GALNT13: variants seen among roughly 807,000 people sequenced by gnomAD.
The protein encoded by GALNT13 is polypeptide N-acetylgalactosaminyltransferase 13.
In GALNT13, 28 loss-of-function variants were observed where a neutral mutation model predicts 64.2. The ratio of observed to expected loss-of-function variants is 0.44; its 90% CI spans 0.32 to 0.60. The LOEUF (loss-of-function observed/expected upper bound fraction) is 0.60, where lower values mean the gene tolerates loss of function less well. Among genes scored for constraint, GALNT13 ranks in the 20% least tolerant of loss-of-function variants. The pLI is 0.05. For synonymous variants in GALNT13, 214 were observed against 224.6 expected (o/e 0.95, Z 0.42); for missense variants, 577 against 669.8 (o/e 0.86, Z 1.53).
chr2:153,362,409 C>A, the GALNT13 span, among the ~76,000 whole-genome samples: 3 of 151,906 alleles, frequency 2.0e-5, no homozygotes, highest in Non-Finnish European at 4.4e-5. Flanking sequence ...TGTCTAAATG[C>A]CCCTATTAAA....
intron 4 of GALNT13, among the ~76,000 whole-genome samples, chr2:154,230,695 G>A (rs1031936879): frequency 6.6e-6 from 1 of 151,860 alleles, no homozygotes; most frequent in Non-Finnish European, 1.5e-5. Flanking sequence ...AAATAACTTA[G>A]ACATCAGCCT....
intron 1 of GALNT13, among the ~76,000 whole-genome samples, chr2:153,887,546 G>C (rs1687267254): frequency 6.6e-6 from 1 of 151,640 alleles, no homozygotes; most frequent in Non-Finnish European, 1.5e-5. Flanking sequence ...GAAGATAAAT[G>C]TGTGAAGGCA....
chr2:154,130,267 T>C (rs186881925), intron 3 of GALNT13, among the ~76,000 whole-genome samples: 69 of 152,128 alleles, frequency 4.5e-4, no homozygotes, highest in Non-Finnish European at 9.3e-4. Context: ...TACTCCATCA[T>C]TGCCTTACCA....
intron 9 of GALNT13, among the ~76,000 whole-genome samples, chr2:154,343,010 C>A (rs1203113913): frequency 1.3e-5 from 2 of 151,776 alleles, no homozygotes; most frequent in South Asian, 4.1e-4. Context: ...ATGAATTTGC[C>A]ACGCCCATTT....
the GALNT13 span, among the ~76,000 whole-genome samples, chr2:153,562,383 C>T: frequency 6.6e-6 from 1 of 152,020 alleles, no homozygotes; most frequent in African/African-American, 2.4e-5. Context: ...TTGATAGTGA[C>T]AATCACTTAC....
At chr2:154,417,537 G>A (rs1700075681) in intron 11 of GALNT13, among the ~76,000 whole-genome samples, 2 of 48,258 alleles carry the variant, frequency 4.1e-5, no homozygotes, top group South Asian at 1.0e-3. Context: ...TTGAGGCGGA[G>A]TCTTGCTCTG....
intron 7 of GALNT13, among the ~76,000 whole-genome samples, chr2:154,248,382 C>T (rs756257978): frequency 1.3e-4 from 19 of 151,950 alleles, no homozygotes; most frequent in African/African-American, 2.4e-4. Context: ...TACATAATTA[C>T]GAATATATAT....
chr2:153,117,028 T>C, the GALNT13 span, among the ~76,000 whole-genome samples: 2 of 151,964 alleles, frequency 1.3e-5, no homozygotes, highest in African/African-American at 2.4e-5. Flanking sequence ...CTCGATCTCC[T>C]GACCTCGTGA....
At chr2:154,253,286 A>T (rs1458550260) in intron 7 of GALNT13, among the ~76,000 whole-genome samples, 1 of 152,140 alleles carries the variant, frequency 6.6e-6, no homozygotes, top group Admixed American at 6.6e-5. Context: ...ATACAGGGTG[A>T]TTATCACAGC....
intron 3 of GALNT13, among the ~76,000 whole-genome samples, chr2:154,031,569 A>G (rs1295998745): frequency 6.6e-6 from 1 of 152,026 alleles, no homozygotes; most frequent in Non-Finnish European, 1.5e-5. Context: ...AGAAAGACAG[A>G]TTATGGAAGC....
At chr2:154,399,114 T>C (rs544675333) in intron 10 of GALNT13, among the ~76,000 whole-genome samples, 12 of 152,292 alleles carry the variant, frequency 7.9e-5, no homozygotes, top group African/African-American at 2.9e-4. Context: ...AAAATGTTTT[T>C]ATTAAATAAC....
At chr2:153,210,351 C>T in the GALNT13 span, among the ~76,000 whole-genome samples, 8 of 152,094 alleles carry the variant, frequency 5.3e-5, no homozygotes, top group African/African-American at 1.9e-4. Context: ...GAATTTTCAT[C>T]ATGAATAGGT....
At chr2:153,705,866 A>G in the GALNT13 span, among the ~76,000 whole-genome samples, 3 of 152,222 alleles carry the variant, frequency 2.0e-5, no homozygotes, top group Admixed American at 6.5e-5. Flanking sequence ...AGGTAACAAT[A>G]GCAGGAATTT....
the GALNT13 span, among the ~76,000 whole-genome samples, chr2:153,541,311 C>A: frequency 6.6e-6 from 1 of 152,228 alleles, no homozygotes. Flanking sequence ...TGTAAGTTTC[C>A]TGAGGCTTCC....
chr2:153,459,384 AGAGGGAGGATCCACT>A, the GALNT13 span, among the ~76,000 whole-genome samples: 1 of 152,164 alleles, frequency 6.6e-6, no homozygotes, highest in South Asian at 2.1e-4. Context: ...CAAGAAGTTG[AGAGGGAGGATCCACT>A]GAGCCCAGGA....
the GALNT13 span, among the ~76,000 whole-genome samples, chr2:153,652,634 G>A: frequency 6.6e-6 from 1 of 151,960 alleles, no homozygotes; most frequent in African/African-American, 2.4e-5. Context: ...AAAAAAATTA[G>A]AGACAGAAAG....
At chr2:154,152,007 T>C (rs1684061230) in intron 4 of GALNT13, among the ~76,000 whole-genome samples, 1 of 152,208 alleles carries the variant, frequency 6.6e-6, no homozygotes, top group Non-Finnish European at 1.5e-5. Flanking sequence ...CGTTAGTTGA[T>C]GCAGTTTCTT....
At chr2:153,653,219 A>C in the GALNT13 span, among the ~76,000 whole-genome samples, 6 of 152,190 alleles carry the variant, frequency 3.9e-5, no homozygotes, top group African/African-American at 1.2e-4. Context: ...ACATGTGAAG[A>C]GAAGGAGGGG....
At chr2:153,230,596 A>C in the GALNT13 span, among the ~76,000 whole-genome samples, 1 of 152,246 alleles carries the variant, frequency 6.6e-6, no homozygotes, top group Non-Finnish European at 1.5e-5. Context: ...GAAAGCAGTC[A>C]GATACTCAGA....
Sources: gnomAD v4.1 joint callset for allele counts (sites outside exome capture counted in the v4.1 genomes callset) on GRCh38, gnomAD v4.1.1 for gene constraint, MANE v1.5 for transcripts, NCBI Gene and HGNC (gene_info 2026-07-23, HGNC 2026-07-21) for gene names.